Variants in ARSB observed in about 807,000 individuals in gnomAD.
ARSB encodes N-acetylgalactosamine-4-sulfatase.
In ARSB, 41 loss-of-function variants were observed where a neutral mutation model predicts 50.9. That is an observed-to-expected ratio of 0.81 (90% CI 0.63 to 1.04). The LOEUF is 1.04. Among genes scored for constraint, ARSB ranks in the 50% least tolerant of loss-of-function variants. The probability of loss-of-function intolerance (pLI) is 0.00; values close to 1 mark genes in which losing one functional copy is unlikely to be tolerated. For synonymous variants in ARSB, 269 were observed against 284.8 expected (o/e 0.94, Z 0.56); for missense variants, 672 against 693.3 (o/e 0.97, Z 0.35).
intron 4 of ARSB, among the ~76,000 whole-genome samples, chr5:78,922,098 G>A (rs752857876): frequency 2.0e-5 from 3 of 151,750 alleles, no homozygotes; most frequent in Non-Finnish European, 2.9e-5. Flanking sequence ...ATGGGCTCAA[G>A]TGCTCTGGGA....
chr5:78,888,959 A>G (rs1748160144), intron 4 of ARSB, among the ~76,000 whole-genome samples: 1 of 152,232 alleles, frequency 6.6e-6, no homozygotes, highest in Non-Finnish European at 1.5e-5. Context: ...CAACTTCTCC[A>G]AGGCTCTCCT....
intron 5 of ARSB, among the ~76,000 whole-genome samples, chr5:78,854,148 G>T (rs887600314): frequency 1.3e-5 from 2 of 152,266 alleles, no homozygotes; most frequent in Non-Finnish European, 2.9e-5. Flanking sequence ...CCCGTCTTCT[G>T]TGTCGCTCAC....
chr5:78,819,116 G>A lies in ARSB; in HGVS notation c.1213+20240C>T, dbSNP rs139570437. ...AGGTGCTTAAGATCCCTTGATCCAG[G>A]GAGAAAAGGGCCAGGCGGCAGTTGC... On this transcript the variant is annotated intron_variant, in intron 6 of 7. Transcript: ENST00000264914. Among the ~76,000 whole-genome samples, 1,330 of 152,292 alleles carry A rather than the reference G, an allele frequency of 8.7e-3. 19 individuals carry two copies. Among genetic ancestry groups the A allele is most frequent in the African/African-American group, 0.029 (1,221 of 41,564 alleles).
intron 4 of ARSB, among the ~76,000 whole-genome samples, chr5:78,926,851 G>A (rs572275801): frequency 6.6e-6 from 1 of 152,290 alleles, no homozygotes; most frequent in South Asian, 2.1e-4. Flanking sequence ...ATCTTCTAGT[G>A]GCCAGATCAT....
chr5:78,898,238 C>T (rs1474682204), intron 4 of ARSB, among the ~76,000 whole-genome samples: 1 of 152,164 alleles, frequency 6.6e-6, no homozygotes, highest in Non-Finnish European at 1.5e-5. Flanking sequence ...TGCACTCCAG[C>T]CTGGGCGACA....
At chr5:78,923,055 T>C (rs1749899497) in intron 4 of ARSB, among the ~76,000 whole-genome samples, 1 of 152,154 alleles carries the variant, frequency 6.6e-6, no homozygotes, top group South Asian at 2.1e-4. Flanking sequence ...GGCAGAAGTT[T>C]GCATGTAGGT....
chr5:78,885,767 C>A lies in ARSB; in HGVS notation c.959G>T (p.Ser320Ile), dbSNP rs2112211996. The A allele has an allele frequency of 6.2e-7, 1 of 1,614,156 alleles. No individual in the cohort carries two copies. Among genetic ancestry groups the A allele is most frequent in the South Asian group, 1.1e-5 (1 of 91,074 alleles). The stretch of plus-strand genomic sequence containing the variant: ...CCCTCGGACGCCTCCTTCCCACAGG[C>A]TCCATTTTCTTCCTCGAAGGGGCCA... Reference protein sequence around the residue: ...NNWPLRGRKWSLWEGGVRGVG... With the variant: ...NNWPLRGRKWILWEGGVRGVG... The change falls in exon 5 of 8, where the codon AGC (serine) becomes ATC (isoleucine). Residue 320 changes from serine (S) to isoleucine (I), a missense_variant. Physicochemically the swap from Ser to Ile is moderately radical, Grantham distance 142. Transcript: ENST00000264914.
At chr5:78,904,443 T>G (rs899089376) in intron 4 of ARSB, among the ~76,000 whole-genome samples, 1 of 152,108 alleles carries the variant, frequency 6.6e-6, no homozygotes, top group African/African-American at 2.4e-5. Context: ...TTCTTTGAGT[T>G]TATCCTGTTT....
chr5:78,937,941 G>T (rs1030752651), intron 4 of ARSB, among the ~76,000 whole-genome samples: 1 of 152,180 alleles, frequency 6.6e-6, no homozygotes, highest in African/African-American at 2.4e-5. Context: ...ACTCTGAGGA[G>T]ATGGTAAAAG....
chr5:78,833,447 C>T (rs1171318707), intron 6 of ARSB, among the ~76,000 whole-genome samples: 2 of 152,158 alleles, frequency 1.3e-5, no homozygotes, highest in Non-Finnish European at 2.9e-5. Context: ...AAAGCACTTC[C>T]AAGGTTACTT....
intron 6 of ARSB, among the ~76,000 whole-genome samples, chr5:78,838,311 T>C (rs188398265): frequency 1.0e-3 from 158 of 152,106 alleles, no homozygotes; most frequent in African/African-American, 3.5e-3. Flanking sequence ...GTTTCAGGCA[T>C]AGGGAAAAGC....
At chr5:78,809,474 G>A (rs1031282414) in intron 6 of ARSB, among the ~76,000 whole-genome samples, 1 of 152,254 alleles carries the variant, frequency 6.6e-6, no homozygotes, top group Non-Finnish European at 1.5e-5. Flanking sequence ...CAGCCCCGTG[G>A]AGAGCTAAAA....
intron 4 of ARSB, among the ~76,000 whole-genome samples, chr5:78,954,653 C>T (rs57653870): frequency 0.27 from 40,381 of 151,842 alleles, 6,668 homozygotes; most frequent in African/African-American, 0.47. Context: ...TACATGCACT[C>T]GCCACCATGC....
At chr5:78,948,283 A>G (rs337866) in intron 4 of ARSB, among the ~76,000 whole-genome samples, 33,588 of 152,068 alleles carry the variant, frequency 0.22, 4,002 homozygotes, top group East Asian at 0.45. Flanking sequence ...TAAATAATCA[A>G]AAGAGTTTAA....
chr5:78,961,552 G>A (rs920905922), intron 3 of ARSB, among the ~76,000 whole-genome samples: 7 of 152,158 alleles, frequency 4.6e-5, no homozygotes, highest in South Asian at 4.2e-4. Flanking sequence ...CCTCAGTTCC[G>A]TGTTTTCCCC....
At chr5:78,847,347 G>T (rs1489277385) in intron 5 of ARSB, among the ~76,000 whole-genome samples, 1 of 151,982 alleles carries the variant, frequency 6.6e-6, no homozygotes, top group Non-Finnish European at 1.5e-5. Context: ...GGCTGGTCTT[G>T]AACTCCTAGG....
intron 6 of ARSB, among the ~76,000 whole-genome samples, chr5:78,809,597 A>G (rs977587501): frequency 2.0e-5 from 3 of 152,250 alleles, no homozygotes; most frequent in Admixed American, 6.5e-5. Flanking sequence ...CTTCAGCTGA[A>G]GCTGGGAGAC....
chr5:78,824,795 T>C (rs183693991), intron 6 of ARSB, among the ~76,000 whole-genome samples: 152 of 152,140 alleles, frequency 1.0e-3, no homozygotes, highest in African/African-American at 3.4e-3. Context: ...TTTTCTGAAG[T>C]AGGAAAACAA....
intron 1 of ARSB, among the ~76,000 whole-genome samples, chr5:78,983,409 AG>A (rs1409760677): frequency 1.3e-5 from 2 of 152,148 alleles, no homozygotes; most frequent in African/African-American, 2.4e-5. Context: ...GTTGGAAGGG[AG>A]GAAGTTGGAG....
Sources: allele counts gnomAD v4.1 joint callset (sites outside exome capture counted in the v4.1 genomes callset), GRCh38; gene constraint gnomAD v4.1.1; transcripts MANE v1.5; gene names NCBI Gene and HGNC (gene_info 2026-07-23, HGNC 2026-07-21).